The following PCED1B variants were observed in gnomAD, a reference collection of about 807,000 sequenced individuals.
The protein encoded by PCED1B is PC-esterase domain-containing protein 1B.
For missense variants in PCED1B, 573 were observed against 573.9 expected (o/e 1.00, Z 0.02); for synonymous variants, 251 against 246.1 (o/e 1.02, Z -0.19).
At chr12:47,229,599 A>G (rs1943736937) in intron 3 of PCED1B, among the ~76,000 whole-genome samples, 1 of 152,104 alleles carries the variant, frequency 6.6e-6, no homozygotes, top group Admixed American at 6.5e-5. Context: ...GCCTGAAGGT[A>G]ATTTTATACA....
intron 1 of PCED1B, among the ~76,000 whole-genome samples, chr12:47,101,086 AG>A (rs1938686100): frequency 6.7e-6 from 1 of 150,128 alleles, no homozygotes; most frequent in African/African-American, 2.4e-5. Flanking sequence ...GAAAAAAAAA[AG>A]TTATTTGATC....
Position 47,195,185 on chromosome 12 carries a change from C to T in PCED1B, c.-525-21037C>T, listed in dbSNP as rs10881075. Among the ~76,000 whole-genome samples, 1,641 of 152,006 alleles carry T rather than the reference C, an allele frequency of 0.011. 79 individuals are homozygous for T. In the East Asian group the frequency reaches 0.15, roughly 14 times the overall value. On this transcript the variant is annotated intron_variant, in intron 2 of 3. Transcript: ENST00000546455. ...CTCTTCTAAAAATACAAAAATCAGC[C>T]GAGCATGGTGGTACACACCTGTAGT...
intron 2 of PCED1B, among the ~76,000 whole-genome samples, chr12:47,130,304 T>A (rs1940072994): frequency 6.6e-6 from 1 of 152,184 alleles, no homozygotes; most frequent in African/African-American, 2.4e-5. Context: ...ATTGGTTATT[T>A]CACAACATTA....
At chr12:47,122,197 C>T (rs534780001) in intron 2 of PCED1B, among the ~76,000 whole-genome samples, 17 of 151,918 alleles carry the variant, frequency 1.1e-4, no homozygotes, top group African/African-American at 2.7e-4. Flanking sequence ...TTAAATTAGG[C>T]GTTCATCTCT....
chr12:47,212,827 C>T (rs940639894), intron 2 of PCED1B, among the ~76,000 whole-genome samples: 1 of 152,166 alleles, frequency 6.6e-6, no homozygotes, highest in Non-Finnish European at 1.5e-5. Context: ...TGGAAGTGGG[C>T]CAGAGGAGTT....
intron 2 of PCED1B, among the ~76,000 whole-genome samples, chr12:47,107,221 G>A (rs1938994268): frequency 1.3e-5 from 2 of 152,046 alleles, no homozygotes; most frequent in Non-Finnish European, 2.9e-5. Flanking sequence ...GTGAATGCCG[G>A]GGCCAAACAC....
intron 2 of PCED1B, among the ~76,000 whole-genome samples, chr12:47,156,108 C>A (rs1403618521): frequency 6.6e-6 from 1 of 152,220 alleles, no homozygotes; most frequent in South Asian, 2.1e-4. Context: ...GTTCTTAAAG[C>A]ACATGCATAA....
At chr12:47,133,042 A>G (rs1940196140) in intron 2 of PCED1B, among the ~76,000 whole-genome samples, 2 of 152,148 alleles carry the variant, frequency 1.3e-5, no homozygotes, top group Admixed American at 6.5e-5. Context: ...ATATAAGATA[A>G]TTTTCCCCTG....
At chr12:47,135,658 C>A in intron 2 of PCED1B, 1 of 513,820 alleles carries the variant, frequency 1.9e-6, no homozygotes. Context: ...CTAGACTTCA[C>A]AGAGTAGATG....
At chr12:47,153,243 G>A (rs1217094937) in intron 2 of PCED1B, among the ~76,000 whole-genome samples, 3 of 151,398 alleles carry the variant, frequency 2.0e-5, no homozygotes, top group African/African-American at 4.9e-5. Context: ...CCAGCTACTT[G>A]GGAGGCTGAG....
At chr12:47,115,623 T>C (rs934617632) in intron 2 of PCED1B, among the ~76,000 whole-genome samples, 41 of 152,180 alleles carry the variant, frequency 2.7e-4, no homozygotes. Flanking sequence ...TAGAAAATAA[T>C]TTGTTACTTT....
chr12:47,211,653 C>CAAA (rs760117906), intron 2 of PCED1B, among the ~76,000 whole-genome samples: 82 of 65,564 alleles, frequency 1.3e-3, no homozygotes, highest in Non-Finnish European at 1.3e-3. Context: ...GACTCTGTCT[C>CAAA]AAAAAAAAAA....
chr12:47,148,021 T>C (rs1367721683), intron 2 of PCED1B, among the ~76,000 whole-genome samples: 3 of 152,222 alleles, frequency 2.0e-5, no homozygotes, highest in Non-Finnish European at 2.9e-5. Flanking sequence ...TTATTTCTCA[T>C]AGTTCTGGAG....
chr12:47,103,586 A>G (rs1437240412), intron 1 of PCED1B, among the ~76,000 whole-genome samples: 1 of 147,718 alleles, frequency 6.8e-6, no homozygotes, highest in Admixed American at 7.1e-5. Context: ...GTTTGGTCAA[A>G]CCAATCAACC....
intron 2 of PCED1B, among the ~76,000 whole-genome samples, chr12:47,130,479 C>T (rs1412645159): frequency 2.0e-5 from 3 of 152,048 alleles, no homozygotes; most frequent in Non-Finnish European, 2.9e-5. Flanking sequence ...GAGTTTGAGA[C>T]CAGCCTGGGC....
At chr12:47,180,105 C>T (rs755244612) in intron 2 of PCED1B, among the ~76,000 whole-genome samples, 1 of 152,148 alleles carries the variant, frequency 6.6e-6, no homozygotes, top group Non-Finnish European at 1.5e-5. Context: ...CTCACACCCC[C>T]CAACAGGCCC....
rs367721613 is a variant in PCED1B at position 47,181,187 on chromosome 12, A to G, written c.-525-35035A>G. On this transcript the variant is annotated intron_variant, in intron 2 of 3. Coordinates refer to ENST00000546455, the MANE Select transcript of PCED1B (RefSeq NM_138371.3). ...TTTTGTAGAGATGGGGTTTCACCAT[A>G]TTGCCCAGGCTGGTCTTGAACTCCT... Among the ~76,000 whole-genome samples the G allele has an allele frequency of 1.1e-4, 16 of 151,810 alleles. No individual in the cohort carries two copies. The East Asian group carries it at 1.9e-3, about 18-fold the overall frequency.
intron 2 of PCED1B, among the ~76,000 whole-genome samples, chr12:47,145,403 A>G (rs1940747697): frequency 6.6e-6 from 1 of 152,224 alleles, no homozygotes. Context: ...TTGCTAAGAT[A>G]ATGGATGAAG....
intron 2 of PCED1B, among the ~76,000 whole-genome samples, chr12:47,199,444 A>G (rs538197404): frequency 1.3e-5 from 2 of 152,322 alleles, no homozygotes; most frequent in South Asian, 4.1e-4. Context: ...CCAACATAAT[A>G]TTGTAAAAAA....
Sources: gnomAD v4.1 joint callset for allele counts (sites outside exome capture counted in the v4.1 genomes callset) on GRCh38, gnomAD v4.1.1 for gene constraint, MANE v1.5 for transcripts, NCBI Gene and HGNC (gene_info 2026-07-23, HGNC 2026-07-21) for gene names.